Variants in MAMDC2 observed in about 807,000 individuals in gnomAD.
MAMDC2 encodes the protein MAM domain containing 2, also known as MAM domain-containing protein 2.
A neutral mutation model predicts 89.8 loss-of-function variants in MAMDC2; 57 were observed. That is an observed-to-expected ratio of 0.63 (90% confidence interval 0.51 to 0.79). The LOEUF is 0.79. Ranked by LOEUF, MAMDC2 falls within the 30% of genes least tolerant of loss-of-function variation. The probability of loss-of-function intolerance (pLI) is 0.00; values close to 1 mark genes in which losing one functional copy is unlikely to be tolerated. For synonymous variants in MAMDC2, 313 were observed against 293.4 expected (o/e 1.07, Z -0.68); for missense variants, 800 against 820.6 (o/e 0.97, Z 0.31).
chr9:70,053,186 A>T (rs1375955618), intron 2 of MAMDC2, among the ~76,000 whole-genome samples: 4 of 152,212 alleles, frequency 2.6e-5, no homozygotes, highest in Non-Finnish European at 5.9e-5. Context: ...GGTTATGACA[A>T]ATGGAGAAAG....
At chr9:70,115,944 T>TG (rs2029963758) in intron 5 of MAMDC2, among the ~76,000 whole-genome samples, 1 of 152,238 alleles carries the variant, frequency 6.6e-6, no homozygotes, top group Admixed American at 6.5e-5. Flanking sequence ...TCTTCATGTG[T>TG]GACAATAGGC....
chr9:70,131,015 T>A (rs982879727), intron 6 of MAMDC2, among the ~76,000 whole-genome samples: 1 of 152,130 alleles, frequency 6.6e-6, no homozygotes, highest in Non-Finnish European at 1.5e-5. Flanking sequence ...AACTAGGTAA[T>A]TTATAAACAA....
chr9:70,182,255 G>C (rs889431515), intron 11 of MAMDC2, among the ~76,000 whole-genome samples: 1 of 152,152 alleles, frequency 6.6e-6, no homozygotes, highest in Non-Finnish European at 1.5e-5. Flanking sequence ...GATTCGGTTG[G>C]TCAGTATTTT....
At chr9:70,202,024 T>TTTGAAGGG (rs199543867) in intron 11 of MAMDC2, among the ~76,000 whole-genome samples, 10,380 of 151,934 alleles carry the variant, frequency 0.068, 551 homozygotes, top group East Asian at 0.22. Flanking sequence ...TCATAGATTT[T>TTTGAAGGG]TTGAAGGGTT....
chr9:70,123,045 C>A (rs2030356678), intron 5 of MAMDC2, among the ~76,000 whole-genome samples: 1 of 152,138 alleles, frequency 6.6e-6, no homozygotes, highest in Non-Finnish European at 1.5e-5. Context: ...GTTCCTTCAG[C>A]AAGTTCTCTT....
chr9:70,168,045 T>A (rs1221947262), intron 9 of MAMDC2, among the ~76,000 whole-genome samples: 1 of 152,212 alleles, frequency 6.6e-6, no homozygotes, highest in Non-Finnish European at 1.5e-5. Flanking sequence ...ACTTTGTGGA[T>A]TATCTGGGGA....
At chr9:70,171,811 C>T (rs894373856) in intron 11 of MAMDC2, among the ~76,000 whole-genome samples, 4 of 152,106 alleles carry the variant, frequency 2.6e-5, no homozygotes, top group Admixed American at 1.3e-4. Context: ...AATACACTAA[C>T]GCTAATGACA....
At chr9:70,123,693 A>G (rs907449538) in intron 5 of MAMDC2, among the ~76,000 whole-genome samples, 1 of 152,202 alleles carries the variant, frequency 6.6e-6, no homozygotes, top group Admixed American at 6.5e-5. Context: ...GTGGGCCTCC[A>G]ATCCAATATG....
intron 7 of MAMDC2, among the ~76,000 whole-genome samples, chr9:70,132,170 T>C (rs924063464): frequency 5.3e-5 from 8 of 152,192 alleles, no homozygotes; most frequent in Non-Finnish European, 5.9e-5. Flanking sequence ...TCATGATCAG[T>C]TTTGAGATTT....
intron 5 of MAMDC2, among the ~76,000 whole-genome samples, chr9:70,125,255 G>A (rs924307276): frequency 6.6e-6 from 1 of 152,212 alleles, no homozygotes; most frequent in Non-Finnish European, 1.5e-5. Flanking sequence ...CAGCTACAAT[G>A]TACCAGGCAC....
chr9:70,088,028 G>A (rs1827809275), intron 2 of MAMDC2, among the ~76,000 whole-genome samples: 1 of 152,110 alleles, frequency 6.6e-6, no homozygotes. Context: ...ACATCTAGAA[G>A]TCTTGACACA....
intron 11 of MAMDC2, among the ~76,000 whole-genome samples, chr9:70,175,376 A>G (rs2032465892): frequency 6.6e-6 from 1 of 152,188 alleles, no homozygotes; most frequent in South Asian, 2.1e-4. Context: ...GATGGATTAG[A>G]TGAGTATAAG....
intron 5 of MAMDC2, 66 bp from the exon 6 acceptor site, chr9:70,126,093 G>T: frequency 6.8e-7 from 1 of 1,477,826 alleles, no homozygotes; most frequent in South Asian, 1.3e-5. Context: ...ACACCATTTC[G>T]CCTGAACCTC....
intron 5 of MAMDC2, among the ~76,000 whole-genome samples, chr9:70,122,813 C>T (rs1299659682): frequency 6.6e-6 from 1 of 151,982 alleles, no homozygotes; most frequent in South Asian, 2.1e-4. Context: ...CATAAAGATG[C>T]CCTGGGTAGG....
At chr9:70,065,087 A>T (rs1827235574) in intron 2 of MAMDC2, among the ~76,000 whole-genome samples, 1 of 152,218 alleles carries the variant, frequency 6.6e-6, no homozygotes, top group Non-Finnish European at 1.5e-5. Flanking sequence ...CTCTGTCAAA[A>T]TCACACAGGA....
intron 3 of MAMDC2, 78 bp from the exon 4 acceptor site, chr9:70,109,642 A>C (rs1409892435): frequency 5.8e-6 from 7 of 1,211,368 alleles, no homozygotes; most frequent in Non-Finnish European, 8.5e-6. Flanking sequence ...ACAGCTCCAG[A>C]CTAATAGCTG....
intron 2 of MAMDC2, among the ~76,000 whole-genome samples, chr9:70,051,188 T>C (rs1041101668): frequency 1.3e-5 from 2 of 152,176 alleles, no homozygotes; most frequent in Non-Finnish European, 2.9e-5. Flanking sequence ...GGGGTGGTAA[T>C]ATCTGCCTGC....
chr9:70,221,058 G>T (rs561270461), intron 12 of MAMDC2, among the ~76,000 whole-genome samples: 4 of 151,994 alleles, frequency 2.6e-5, no homozygotes, highest in Admixed American at 6.6e-5. Context: ...AGCTCCTGTT[G>T]TTTGAGACCA....
rs887269248 is a variant in MAMDC2 at position 70,218,374 on chromosome 9, T to G, written c.1689T>G (p.Tyr563Ter). Residue 563 changes from tyrosine to a stop codon, truncating the protein, a stop_gained, in exon 12 of 14, where the codon TAT becomes TAG. Transcript: ENST00000377182. LOFTEE classifies it high-confidence loss of function. Reference sequence around the variant, plus strand: ...ACATTGAGGCCTCCCATATGGTGTATGGACAAAAAGCACGCCTCTTGTCCA... The same window carrying G: ...ACATTGAGGCCTCCCATATGGTGTAGGGACAAAAAGCACGCCTCTTGTCCA... ...YMYIEASHMV[Y>*]GQKARLLSRP... 1 of 1,614,084 alleles carries G rather than the reference T, an allele frequency of 6.2e-7. No individual in the cohort carries two copies. The highest frequency in any genetic ancestry group is 1.3e-5 in the African/African-American group (1 of 74,954).
Sources: allele counts gnomAD v4.1 joint callset (sites outside exome capture counted in the v4.1 genomes callset), GRCh38; gene constraint gnomAD v4.1.1; transcripts MANE v1.5; gene names NCBI Gene and HGNC (gene_info 2026-07-23, HGNC 2026-07-21).